The following UTS2 variants were observed in gnomAD, a reference collection of about 807,000 sequenced individuals.
The protein encoded by UTS2 is urotensin-2.
In UTS2, 10 loss-of-function variants were observed where a neutral mutation model predicts 12.6. The observed-to-expected ratio is 0.80, with a 90% CI of 0.49 to 1.35. The LOEUF is 1.35. UTS2 is among the 40% of genes most tolerant of loss of function. The pLI is 0.00. For synonymous variants in UTS2, 52 were observed against 50.0 expected, an observed-to-expected ratio of 1.04 and a Z score of -0.17; for missense variants, 142 against 143.2, an observed-to-expected ratio of 0.99 and a Z score of 0.04.
At chr1:7,853,341 A>G, upstream of UTS2, 1 of 1,614,206 alleles carries the variant, frequency 6.2e-7, no homozygotes, top group Non-Finnish European at 8.5e-7. Flanking sequence ...AGGCTTGGAT[A>G]TGAGTTGAAG....
the UTS2 span, among the ~76,000 whole-genome samples, chr1:7,867,360 T>A: frequency 6.6e-6 from 1 of 152,154 alleles, no homozygotes; most frequent in Admixed American, 6.5e-5. Context: ...GAGAGGGCCT[T>A]TAAGGACATC....
the UTS2 span, among the ~76,000 whole-genome samples, chr1:7,871,600 G>A: frequency 1.3e-5 from 2 of 151,846 alleles, no homozygotes; most frequent in Non-Finnish European, 2.9e-5. Flanking sequence ...TTGAAGGTCT[G>A]TGGCAACTGT....
At chr1:7,877,126 C>CAAA in the UTS2 span, among the ~76,000 whole-genome samples, 8 of 62,798 alleles carry the variant, frequency 1.3e-4, no homozygotes, top group East Asian at 1.0e-3. Flanking sequence ...GAGACTCTAT[C>CAAA]AAAAAAAAAA....
intron 3 of UTS2, 45 bp from the exon 4 acceptor site, chr1:7,847,927 A>C: frequency 7.3e-7 from 1 of 1,367,738 alleles, no homozygotes. Flanking sequence ...AAAACAGATA[A>C]GTTACCAACG....
At chr1:7,876,087 C>A in the UTS2 span, among the ~76,000 whole-genome samples, 3 of 152,212 alleles carry the variant, frequency 2.0e-5, no homozygotes, top group Admixed American at 6.5e-5. Context: ...AGTGCCCATG[C>A]ACATTGTCCA....
the UTS2 span, among the ~76,000 whole-genome samples, chr1:7,874,729 A>G: frequency 6.6e-6 from 1 of 152,278 alleles, no homozygotes; most frequent in South Asian, 2.1e-4. Context: ...CCCAAATCTC[A>G]TCTCCAGTTG....
At chr1:7,875,988 C>A in the UTS2 span, among the ~76,000 whole-genome samples, 5 of 152,210 alleles carry the variant, frequency 3.3e-5, no homozygotes, top group Admixed American at 6.5e-5. Context: ...CCCAAGCATA[C>A]TCTCCAGGAG....
chr1:7,909,812 A>G, the UTS2 span, among the ~76,000 whole-genome samples: 10 of 151,918 alleles, frequency 6.6e-5, no homozygotes, highest in South Asian at 1.2e-3. Flanking sequence ...GGTAGAGACG[A>G]GGTTTCAACA....
At chr1:7,891,589 A>AAAG in the UTS2 span, among the ~76,000 whole-genome samples, 16 of 150,994 alleles carry the variant, frequency 1.1e-4, no homozygotes, top group African/African-American at 3.9e-4. Context: ...AGAAAGAAAG[A>AAAG]AAGAAAGAAA....
chr1:7,857,143 G>GGAAGGAAGGAAGGAAGGAAGGAAGGAAC (rs766960072), upstream of UTS2, among the ~76,000 whole-genome samples: 13 of 151,626 alleles, frequency 8.6e-5, no homozygotes, highest in Middle Eastern at 3.4e-3. Flanking sequence ...AAGGAAGGAA[G>GGAAGGAAGGAAGGAAGGAAGGAAGGAAC]GTGAAGCATG....
At chr1:7,853,340 T>C, upstream of UTS2, 1 of 1,614,126 alleles carries the variant, frequency 6.2e-7, no homozygotes, top group Non-Finnish European at 8.5e-7. Flanking sequence ...AAGGCTTGGA[T>C]ATGAGTTGAA....
At chr1:7,882,472 A>G in the UTS2 span, among the ~76,000 whole-genome samples, 1 of 152,330 alleles carries the variant, frequency 6.6e-6, no homozygotes, top group African/African-American at 2.4e-5. Context: ...TTAGAAGAAA[A>G]CATAGGGGAA....
At chr1:7,858,772 T>C in the UTS2 span, among the ~76,000 whole-genome samples, 1 of 152,124 alleles carries the variant, frequency 6.6e-6, no homozygotes, top group Non-Finnish European at 1.5e-5. Context: ...TCAGTAGAGA[T>C]GGTGTTTCAC....
the UTS2 span, among the ~76,000 whole-genome samples, chr1:7,883,513 A>G: frequency 2.0e-5 from 3 of 152,212 alleles, no homozygotes; most frequent in Non-Finnish European, 4.4e-5. Flanking sequence ...AACATATTTC[A>G]TATTTCACAA....
chr1:7,854,248 G>T (rs1031469485), upstream of UTS2, among the ~76,000 whole-genome samples: 2 of 151,918 alleles, frequency 1.3e-5, no homozygotes, highest in African/African-American at 4.8e-5. Flanking sequence ...GGAGGCTGAG[G>T]CAGGAGAATT....
the UTS2 span, among the ~76,000 whole-genome samples, chr1:7,891,949 G>A: frequency 1.3e-5 from 2 of 152,170 alleles, no homozygotes; most frequent in African/African-American, 4.8e-5. Context: ...GGCTCTGCCT[G>A]TGGTCTTGAT....
chr1:7,905,823 C>CT, the UTS2 span, among the ~76,000 whole-genome samples: 78 of 152,208 alleles, frequency 5.1e-4, no homozygotes, highest in African/African-American at 1.8e-3. Context: ...TGAGGTTGGG[C>CT]TGACGGTTTC....
At chr1:7,901,166 C>T in the UTS2 span, among the ~76,000 whole-genome samples, 24 of 152,238 alleles carry the variant, frequency 1.6e-4, no homozygotes, top group Non-Finnish European at 2.4e-4. Context: ...AGTCTGTTAT[C>T]GCATGGTAAG....
chr1:7,891,926 G>A, the UTS2 span, among the ~76,000 whole-genome samples: 1 of 152,184 alleles, frequency 6.6e-6, no homozygotes, highest in Admixed American at 6.5e-5. Context: ...AAGGGCATGA[G>A]GTCCTGGGGG....
Sources: allele counts gnomAD v4.1 joint callset (sites outside exome capture counted in the v4.1 genomes callset), GRCh38; gene constraint gnomAD v4.1.1; transcripts MANE v1.5; gene names NCBI Gene and HGNC (gene_info 2026-07-23, HGNC 2026-07-21).